The following NEBL variants were observed in gnomAD, a reference collection of about 807,000 sequenced individuals.
The protein encoded by NEBL is nebulette.
A neutral mutation model predicts 140.2 loss-of-function variants in NEBL; 122 were observed. That is an observed-to-expected ratio of 0.87 (90% CI 0.75 to 1.01). The LOEUF is 1.01. NEBL is among the 50% of genes least tolerant of loss of function. The pLI is 0.00. For synonymous variants in NEBL, 436 were observed against 398.9 expected (o/e 1.09, Z -1.11); for missense variants, 1,365 against 1,231.3 (o/e 1.11, Z -1.62).
chr10:21,005,065 C>T (rs1169513440), intron 3 of NEBL, among the ~76,000 whole-genome samples: 1 of 152,142 alleles, frequency 6.6e-6, no homozygotes, highest in Non-Finnish European at 1.5e-5. Flanking sequence ...AGAGTAACAC[C>T]TTATGCCCTC....
chr10:20,821,792 C>A (rs1839344848), intron 19 of NEBL, among the ~76,000 whole-genome samples: 1 of 152,128 alleles, frequency 6.6e-6, no homozygotes, highest in African/African-American at 2.4e-5. Flanking sequence ...TGTATCTCAA[C>A]TTCCCTCTCC....
intron 3 of NEBL, among the ~76,000 whole-genome samples, chr10:21,204,578 C>T (rs566213673): frequency 2.3e-4 from 35 of 152,308 alleles, no homozygotes; most frequent in African/African-American, 7.7e-4. Context: ...TTGGACTTCC[C>T]GCCTCCAGAA....
intron 16 of NEBL, 49 bp from the exon 17 acceptor site, chr10:20,828,683 C>T: frequency 1.6e-6 from 2 of 1,246,688 alleles, no homozygotes; most frequent in Non-Finnish European, 2.3e-6. Context: ...TGTGTGCGCA[C>T]ATGTGAGAGG....
At chr10:20,842,552 A>T (rs1209110614) in intron 12 of NEBL, among the ~76,000 whole-genome samples, 1 of 152,112 alleles carries the variant, frequency 6.6e-6, no homozygotes, top group East Asian at 1.9e-4. Flanking sequence ...TCTTTTTCAA[A>T]TTAGACAAGC....
intron 4 of NEBL, among the ~76,000 whole-genome samples, chr10:20,881,277 A>G (rs2131319075): frequency 6.6e-6 from 1 of 152,332 alleles, no homozygotes; most frequent in African/African-American, 2.4e-5. Context: ...AGGATATTTG[A>G]AAGTAAATTG....
intron 26 of NEBL, among the ~76,000 whole-genome samples, chr10:20,805,109 G>A (rs1003870454): frequency 6.6e-6 from 1 of 152,162 alleles, no homozygotes; most frequent in Non-Finnish European, 1.5e-5. Flanking sequence ...ACTAGACATG[G>A]GGTATGAGTG....
intron 3 of NEBL, among the ~76,000 whole-genome samples, chr10:20,984,989 T>A (rs1314225065): frequency 6.6e-6 from 1 of 152,210 alleles, no homozygotes; most frequent in Non-Finnish European, 1.5e-5. Context: ...GCTCTCATGA[T>A]GATTTGTCAC....
At chr10:20,996,098 T>A (rs1442135747) in intron 3 of NEBL, among the ~76,000 whole-genome samples, 2 of 151,724 alleles carry the variant, frequency 1.3e-5, no homozygotes, top group Non-Finnish European at 2.9e-5. Flanking sequence ...CTAATGGGGG[T>A]TCTCAGGTCA....
rs1835130137 is a variant in NEBL, at chr10:20,783,041, G to C, written c.*2706C>G. On this transcript the variant is annotated 3_prime_UTR_variant, in exon 28 of 28. Transcript: ENST00000377122. ...GTCAGGTGCATGCTCTCTGTGCTTG[G>C]ACATTTACACAGTCATCTTTAACTC... 1 of 152,656 alleles carries C rather than the reference G, an allele frequency of 6.6e-6. No homozygotes were observed. The highest frequency in any genetic ancestry group is 6.6e-5 in the Admixed American group (1 of 15,266). The allele number at this position is 152,656 out of a possible 1,614,324, so 9.5% of individuals were successfully genotyped here. A position where few individuals can be genotyped will look rare whatever the true frequency, so the allele number is the denominator to read the frequency against.
chr10:21,104,810 AG>A (rs1178229497), intron 2 of NEBL, among the ~76,000 whole-genome samples: 1 of 152,192 alleles, frequency 6.6e-6, no homozygotes, highest in Non-Finnish European at 1.5e-5. Context: ...TCCTCATCTC[AG>A]GGGAAAACTT....
intron 2 of NEBL, among the ~76,000 whole-genome samples, chr10:21,079,026 A>G (rs1005370293): frequency 1.3e-5 from 2 of 152,220 alleles, no homozygotes; most frequent in African/African-American, 4.8e-5. Context: ...TACCACCTCC[A>G]GATCTAAATG....
intron 26 of NEBL, among the ~76,000 whole-genome samples, chr10:20,796,367 G>GAAAAAAAAA (rs57844177): frequency 9.7e-5 from 5 of 51,514 alleles, no homozygotes; most frequent in Non-Finnish European, 1.5e-4. Context: ...TCTAAAACAA[G>GAAAAAAAAA]AAAAAAAAAA....
At chr10:21,260,016 C>A (rs1409525747) in intron 1 of NEBL, among the ~76,000 whole-genome samples, 2 of 152,208 alleles carry the variant, frequency 1.3e-5, no homozygotes, top group African/African-American at 4.8e-5. Flanking sequence ...AAATCCAGTC[C>A]TTGGCAATAT....
At chr10:20,924,244 A>C (rs903384054) in intron 4 of NEBL, among the ~76,000 whole-genome samples, 1 of 151,942 alleles carries the variant, frequency 6.6e-6, no homozygotes, top group African/African-American at 2.4e-5. Flanking sequence ...TGTATAATAC[A>C]CAGCCCAAGA....
At position 21,221,518 on chromosome 10, in the gene NEBL, T is replaced by TTTC. The variant is rs1564544893; in HGVS notation, n.348+26402_348+26403insGAA. 1.4e-3 allele frequency among the ~76,000 whole-genome samples: 182 copies of TTTC among 129,818 alleles called. 1 individual carries two copies. Among genetic ancestry groups the TTTC allele is most frequent in the African/African-American group, 6.8e-3 (173 of 25,580 alleles). The allele number at this position is 129,818 out of a possible 152,430, so 85.2% of individuals were successfully genotyped here. A position where few individuals can be genotyped will look rare whatever the true frequency, so the allele number is the denominator to read the frequency against. Reference sequence around the variant, plus strand: ...GTCTGATTTCTTTCTTTCTTTCTTTTTTTTTTGACAGAGGCTTGCTTTGTT... The same window carrying TTTC: ...GTCTGATTTCTTTCTTTCTTTCTTTTTTCTTTTTTGACAGAGGCTTGCTTTGTT... On this transcript the variant is annotated intron_variant and non_coding_transcript_variant, in intron 3 of 8. Transcript: ENST00000675702.
chr10:20,830,500 TG>T (rs1840296648), intron 16 of NEBL, among the ~76,000 whole-genome samples: 1 of 152,186 alleles, frequency 6.6e-6, no homozygotes, highest in African/African-American at 2.4e-5. Context: ...TTACAGAATA[TG>T]GGACAAGTAT....
At chr10:21,228,401 G>A (rs1052344306) in intron 3 of NEBL, among the ~76,000 whole-genome samples, 6 of 151,900 alleles carry the variant, frequency 3.9e-5, no homozygotes, top group Non-Finnish European at 8.8e-5. Flanking sequence ...CAATCCTCTC[G>A]CCTCAGCCTT....
intron 3 of NEBL, among the ~76,000 whole-genome samples, chr10:20,991,630 T>A (rs550522502): frequency 6.6e-6 from 1 of 152,228 alleles, no homozygotes; most frequent in East Asian, 1.9e-4. Context: ...TTTCTATTTT[T>A]ATATTCAGGG....
intron 3 of NEBL, among the ~76,000 whole-genome samples, chr10:21,185,402 T>C (rs1243513012): frequency 1.3e-5 from 2 of 150,796 alleles, no homozygotes; most frequent in African/African-American, 4.9e-5. Flanking sequence ...ATGTGGCTTC[T>C]CAAAACTCAC....
Sources: gnomAD v4.1 joint callset for allele counts (sites outside exome capture counted in the v4.1 genomes callset) on GRCh38, gnomAD v4.1.1 for gene constraint, MANE v1.5 for transcripts, NCBI Gene and HGNC (gene_info 2026-07-23, HGNC 2026-07-21) for gene names.